The following ZNF608 variants were observed in gnomAD, a reference collection of about 807,000 sequenced individuals.
ZNF608 encodes zinc finger protein 608, also known as renal carcinoma antigen NY-REN-36.
ZNF608 carries 12 observed loss-of-function variants against 109.0 expected under a neutral mutation model. The ratio of observed to expected loss-of-function variants is 0.11; its 90% confidence interval spans 0.07 to 0.18. The LOEUF (loss-of-function observed/expected upper bound fraction) is 0.18, where lower values mean the gene tolerates loss of function less well. ZNF608 is among the 10% of genes least tolerant of loss of function. The pLI is 1.00. For missense variants in ZNF608, 1,707 were observed against 1,879.3 expected, an observed-to-expected ratio of 0.91 and a Z score of 1.70; for synonymous variants, 732 against 717.4, an observed-to-expected ratio of 1.02 and a Z score of -0.33.
intron 3 of ZNF608, among the ~76,000 whole-genome samples, chr5:124,692,979 A>C (rs1186384244): frequency 1.3e-5 from 2 of 152,218 alleles, no homozygotes; most frequent in East Asian, 3.8e-4. Flanking sequence ...AATGATGTAA[A>C]AGTCAACAAA....
At chr5:124,728,448 A>G (rs569344746) in intron 2 of ZNF608, among the ~76,000 whole-genome samples, 108 of 152,286 alleles carry the variant, frequency 7.1e-4, no homozygotes, top group Non-Finnish European at 1.2e-3. Flanking sequence ...GCTGCTGGCA[A>G]TAATAATAGC....
At chr5:124,702,161 T>G (rs1054326737) in intron 2 of ZNF608, among the ~76,000 whole-genome samples, 3 of 152,220 alleles carry the variant, frequency 2.0e-5, no homozygotes, top group African/African-American at 7.2e-5. Flanking sequence ...GGCTATGCCA[T>G]GTACTAAACA....
chr5:124,743,511 T>C (rs1000925145), intron 2 of ZNF608, among the ~76,000 whole-genome samples: 2 of 152,126 alleles, frequency 1.3e-5, no homozygotes, highest in African/African-American at 4.8e-5. Context: ...CAAGAACTCA[T>C]TCAAGGATAT....
intron 3 of ZNF608, among the ~76,000 whole-genome samples, chr5:124,693,706 A>G (rs1752708645): frequency 6.6e-6 from 1 of 152,168 alleles, no homozygotes; most frequent in Non-Finnish European, 1.5e-5. Context: ...AGTTAAAGTG[A>G]CGGTCTATGT....
At chr5:124,705,732 C>G (rs1387780124) in intron 2 of ZNF608, among the ~76,000 whole-genome samples, 1 of 152,218 alleles carries the variant, frequency 6.6e-6, no homozygotes, top group Non-Finnish European at 1.5e-5. Context: ...CATCTGGCAG[C>G]AGTCAACTGG....
intron 3 of ZNF608, among the ~76,000 whole-genome samples, chr5:124,680,905 A>T (rs558358755): frequency 5.3e-4 from 81 of 152,292 alleles, no homozygotes; most frequent in African/African-American, 1.8e-3. Context: ...GAAATGAAAA[A>T]GCAAAGATAA....
At chr5:124,717,679 T>TTGG (rs1753757587) in intron 2 of ZNF608, among the ~76,000 whole-genome samples, 1 of 152,134 alleles carries the variant, frequency 6.6e-6, no homozygotes, top group Non-Finnish European at 1.5e-5. Context: ...TTAGTCCTTT[T>TTGG]TTGTTGTTGT....
At chr5:124,729,756 A>G (rs574452603) in intron 2 of ZNF608, among the ~76,000 whole-genome samples, 3 of 152,194 alleles carry the variant, frequency 2.0e-5, no homozygotes, top group Non-Finnish European at 4.4e-5. Flanking sequence ...CACTCCCCCA[A>G]AGGGTACTTT....
intron 3 of ZNF608, among the ~76,000 whole-genome samples, chr5:124,674,425 T>A (rs1015739807): frequency 1.3e-5 from 2 of 152,254 alleles, no homozygotes; most frequent in South Asian, 4.1e-4. Context: ...GCCACATTGG[T>A]GAACTAATGT....
At chr5:124,699,722 G>C (rs1752979045) in intron 3 of ZNF608, among the ~76,000 whole-genome samples, 1 of 152,150 alleles carries the variant, frequency 6.6e-6, no homozygotes, top group Admixed American at 6.5e-5. Flanking sequence ...GAAACAGCTT[G>C]AGCTGTTTTC....
intron 2 of ZNF608, among the ~76,000 whole-genome samples, chr5:124,733,207 ATC>A (rs1271212494): frequency 2.3e-4 from 31 of 132,444 alleles, no homozygotes; most frequent in East Asian, 2.2e-3. Flanking sequence ...CATTCTCTCT[ATC>A]TCTCTCTCTT....
At chr5:124,714,122 G>A (rs1247278947) in intron 2 of ZNF608, among the ~76,000 whole-genome samples, 1 of 151,512 alleles carries the variant, frequency 6.6e-6, no homozygotes, top group Non-Finnish European at 1.5e-5. Context: ...TGACAAAGAA[G>A]TAAACTTTTT....
chr5:124,675,761 C>A (rs970206215), intron 3 of ZNF608, among the ~76,000 whole-genome samples: 2 of 152,194 alleles, frequency 1.3e-5, no homozygotes, highest in Non-Finnish European at 2.9e-5. Context: ...TGCCCCCTCA[C>A]GGCGTTAGGC....
At chr5:124,723,192 A>G (rs1754004780) in intron 2 of ZNF608, among the ~76,000 whole-genome samples, 1 of 151,942 alleles carries the variant, frequency 6.6e-6, no homozygotes, top group South Asian at 2.1e-4. Context: ...CACCACTCCC[A>G]GCTACAAGGT....
In ZNF608 at chr5:124,702,836, A is replaced by G. The variant is rs1196849176; in HGVS notation, c.907-1567T>C. Among the ~76,000 whole-genome samples the G allele has an allele frequency of 5.9e-5, 9 of 152,222 alleles. No homozygotes were observed. The East Asian group carries it at 1.7e-3, about 29-fold the overall frequency. ...AGAGCCCAGGAAAGAAAAGCATTTA[A>G]CAGCCCCAAACCCCAGATACTGTGA... is the stretch of plus-strand genomic sequence containing the variant. On this transcript the variant is annotated intron_variant, in intron 2 of 9. Transcript: ENST00000513986.
Position 124,720,605 on chromosome 5 carries a change from T to C in ZNF608, c.907-19336A>G, listed in dbSNP as rs905120670. On this transcript the variant is annotated intron_variant, in intron 2 of 9. Coordinates refer to ENST00000513986, the MANE Select transcript of ZNF608 (RefSeq NM_020747.3). ...GGAAAAATAAATTTTAATAACATGT[T>C]GTGTTTAACGGGCAACTTCCAGGTA... 3.3e-5 allele frequency among the ~76,000 whole-genome samples: 5 copies of C among 152,314 alleles called. No homozygotes were observed. In the East Asian group the frequency reaches 7.7e-4, roughly 23 times the overall value.
intron 7 of ZNF608, among the ~76,000 whole-genome samples, chr5:124,643,086 T>C (rs1181194719): frequency 1.3e-5 from 2 of 152,200 alleles, no homozygotes; most frequent in African/African-American, 4.8e-5. Context: ...AAAACATTTT[T>C]TGAAAAGCTT....
Position 124,744,658 on chromosome 5 carries a change from G to C in ZNF608, c.332C>G (p.Thr111Ser), listed in dbSNP as rs1561599529. 8 of 1,614,218 alleles carry C rather than the reference G, an allele frequency of 5.0e-6. No individual in the cohort carries two copies. Among genetic ancestry groups the C allele is most frequent in the Non-Finnish European group, 6.8e-6 (8 of 1,180,046 alleles). Residue 111 changes from threonine (T) to serine (S), a missense_variant, in exon 2 of 10, where the codon ACT becomes AGT. By Grantham distance (58) the Thr-to-Ser change is moderately conservative (BLOSUM62 1). Transcript: ENST00000513986. The surrounding 1 kb of genome is among the most constrained non-coding windows in gnomAD (Gnocchi z 4.5). ...CAGAGATTTATTAGCATCCTTAGAAGTTTTACTCCTTTTCACTTTTGATTT... is the reference window on the plus strand; with the variant it reads ...CAGAGATTTATTAGCATCCTTAGAACTTTTACTCCTTTTCACTTTTGATTT... ...TSKSKVKRSK[T>S]SKDANKSLPS...
At chr5:124,723,954 C>A (rs2149882931) in intron 2 of ZNF608, among the ~76,000 whole-genome samples, 1 of 151,432 alleles carries the variant, frequency 6.6e-6, no homozygotes, top group East Asian at 1.9e-4. Context: ...TGGCTTGTAC[C>A]CATGAAAAAT....
Sources: gnomAD v4.1 joint callset for allele counts (sites outside exome capture counted in the v4.1 genomes callset) on GRCh38, gnomAD v4.1.1 for gene constraint, Gnocchi (gnomAD v3.1) non-coding constraint, MANE v1.5 for transcripts, NCBI Gene and HGNC (gene_info 2026-07-23, HGNC 2026-07-21) for gene names.